NIPAL2: variants seen among roughly 807,000 people sequenced by gnomAD.
The protein encoded by NIPAL2 is NIPA-like protein 2.
NIPAL2 carries 43 observed loss-of-function variants against 48.9 expected under a neutral mutation model. The ratio of observed to expected loss-of-function variants is 0.88; its 90% CI spans 0.69 to 1.13. NIPAL2 has a LOEUF of 1.13. Among genes scored for constraint, NIPAL2 ranks in the 50% most tolerant of loss-of-function variants. The pLI, the probability that NIPAL2 is intolerant of heterozygous loss-of-function variation, is 0.00. For missense variants in NIPAL2, 446 were observed against 461.4 expected, an observed-to-expected ratio of 0.97 and a Z score of 0.31; for synonymous variants, 167 against 174.6, an observed-to-expected ratio of 0.96 and a Z score of 0.34.
At chr8:98,280,761 T>TAGAGAGAGAGAGAGAGAGAG (rs1554578553) in intron 1 of NIPAL2, among the ~76,000 whole-genome samples, 14 of 30,018 alleles carry the variant, frequency 4.7e-4, no homozygotes, top group South Asian at 1.5e-3. Flanking sequence ...TATATATATA[T>TAGAGAGAGAGAGAGAGAGAG]AGAGAGAGAG....
intron 8 of NIPAL2, among the ~76,000 whole-genome samples, chr8:98,198,610 C>T (rs1810664154): frequency 6.6e-6 from 1 of 152,206 alleles, no homozygotes; most frequent in African/African-American, 2.4e-5. Flanking sequence ...CTAGATGTTC[C>T]AGACAACTTG....
intron 8 of NIPAL2, among the ~76,000 whole-genome samples, chr8:98,201,292 C>T (rs1810785892): frequency 6.6e-6 from 1 of 152,210 alleles, no homozygotes; most frequent in South Asian, 2.1e-4. Flanking sequence ...CCCAAAAGGT[C>T]TTGCCATCCC....
At chr8:98,244,113 T>C (rs2130809126) in intron 3 of NIPAL2, among the ~76,000 whole-genome samples, 1 of 151,860 alleles carries the variant, frequency 6.6e-6, no homozygotes, top group African/African-American at 2.4e-5. Context: ...GATATTCTTA[T>C]CTGATTCAGC....
intron 4 of NIPAL2, among the ~76,000 whole-genome samples, chr8:98,230,872 C>G (rs1812408428): frequency 6.6e-6 from 1 of 152,204 alleles, no homozygotes; most frequent in Non-Finnish European, 1.5e-5. Flanking sequence ...GAACTAAAAC[C>G]TGAAATCTTG....
intron 1 of NIPAL2, among the ~76,000 whole-genome samples, chr8:98,269,773 C>G (rs965832297): frequency 6.6e-6 from 1 of 152,058 alleles, no homozygotes; most frequent in Non-Finnish European, 1.5e-5. Context: ...GATTTGGGCT[C>G]GTATTGATCC....
chr8:98,257,799 CT>C (rs1813997503), intron 1 of NIPAL2, among the ~76,000 whole-genome samples: 1 of 152,118 alleles, frequency 6.6e-6, no homozygotes, highest in Non-Finnish European at 1.5e-5. Flanking sequence ...GATTCCAGGT[CT>C]TTAGATAATA....
rs187336560 is a variant in NIPAL2 at position 98,260,611 on chromosome 8, C to G, written c.136-6524G>C. Reference sequence around the variant, plus strand: ...CGCACCACGAGATTATATCCTGCACCTGGCTCGGAGGGTCCTACGCCCACG... The same window carrying G: ...CGCACCACGAGATTATATCCTGCACGTGGCTCGGAGGGTCCTACGCCCACG... On this transcript the variant is annotated intron_variant, in intron 1 of 10. Coordinates refer to ENST00000430223, the MANE Select transcript of NIPAL2 (RefSeq NM_001321635.2). Among the ~76,000 whole-genome samples the G allele has an allele frequency of 2.0e-5, 3 of 152,346 alleles. No homozygotes were observed. In the East Asian group the frequency reaches 5.8e-4, roughly 29 times the overall value.
intron 5 of NIPAL2, 136 bp downstream of exon 5, chr8:98,222,343 G>A (rs1811935062): frequency 1.2e-6 from 1 of 854,188 alleles, no homozygotes; most frequent in African/African-American, 1.8e-5. Flanking sequence ...CAAATACTTT[G>A]GTATTGGTCA....
rs750242361 is a variant in NIPAL2, at chr8:98,222,546, A to G, written c.491T>C (p.Ile164Thr). The G allele has an allele frequency of 1.1e-5, 17 of 1,613,936 alleles. No homozygotes were observed. The highest frequency in any genetic ancestry group is 3.3e-4 in the Middle Eastern group (2 of 6,082). ...TGTTCTTGCTGAGATTGCCTGAGTTATATTTGGAGCAAAGTTCACCAGTAA... is the reference window on the plus strand; with the variant it reads ...TGTTCTTGCTGAGATTGCCTGAGTTGTATTTGGAGCAAAGTTCACCAGTAA... ...TYLLVNFAPN[I>T]TQAISARTVQ... The change falls in exon 5 of 11, where the codon ATA (isoleucine) becomes ACA (threonine). Residue 164 changes from isoleucine (I) to threonine (T), a missense_variant. Ile to Thr is a moderately conservative substitution (Grantham distance 89). Transcript: ENST00000430223.
chr8:98,240,961 T>C (rs1812951932), intron 3 of NIPAL2, among the ~76,000 whole-genome samples: 1 of 152,306 alleles, frequency 6.6e-6, no homozygotes. Context: ...AAGGAAGCAT[T>C]TGTGCTTCGT....
chr8:98,226,783 C>G (rs1370501823), intron 4 of NIPAL2, among the ~76,000 whole-genome samples: 1 of 152,184 alleles, frequency 6.6e-6, no homozygotes, highest in Non-Finnish European at 1.5e-5. Flanking sequence ...CCTATGTTCG[C>G]TCAAGGCCCT....
intron 8 of NIPAL2, among the ~76,000 whole-genome samples, chr8:98,199,985 G>T (rs1810728899): frequency 6.6e-6 from 1 of 151,902 alleles, no homozygotes; most frequent in Admixed American, 6.6e-5. Flanking sequence ...ATAAGGTCCT[G>T]CTCCGTCACC....
chr8:98,216,151 C>G (rs182568297), intron 5 of NIPAL2, among the ~76,000 whole-genome samples: 21 of 152,360 alleles, frequency 1.4e-4, no homozygotes, highest in African/African-American at 5.0e-4. Context: ...GGACAAAGAT[C>G]TGATCCTTGG....
chr8:98,242,898 T>A (rs1813071514), intron 3 of NIPAL2, among the ~76,000 whole-genome samples: 1 of 152,178 alleles, frequency 6.6e-6, no homozygotes, highest in Non-Finnish European at 1.5e-5. Context: ...CACCACACTG[T>A]ACCCCATAAA....
At chr8:98,249,822 A>G (rs1813497064) in intron 3 of NIPAL2, among the ~76,000 whole-genome samples, 1 of 149,788 alleles carries the variant, frequency 6.7e-6, no homozygotes, top group Non-Finnish European at 1.5e-5. Context: ...CACTCAAAGT[A>G]TACAAATATA....
rs75803423 is a variant in NIPAL2, at chr8:98,242,495, T to G, written c.377-6281A>C. ...AGCCACTGCACCTGACAGATTTTTT[T>G]TTTTTTTTTTTTAACTGAGCCTGGC... On this transcript the variant is annotated intron_variant, in intron 3 of 10. Transcript: ENST00000430223. Among the ~76,000 whole-genome samples, 57 of 61,168 alleles carry G rather than the reference T, an allele frequency of 9.3e-4. 2 individuals are homozygous for G. The highest frequency in any genetic ancestry group is 6.1e-3 in the East Asian group (12 of 1,978). The allele number at this position is 61,168 out of a possible 152,430, so 40.1% of individuals were successfully genotyped here.
intron 1 of NIPAL2, among the ~76,000 whole-genome samples, chr8:98,285,170 G>A (rs879676150): frequency 9.9e-5 from 15 of 152,190 alleles, no homozygotes; most frequent in Non-Finnish European, 1.8e-4. Context: ...TGTGAGCCAG[G>A]ACACAGAAAT....
At chr8:98,269,820 G>GT (rs1176523842) in intron 1 of NIPAL2, among the ~76,000 whole-genome samples, 3 of 152,156 alleles carry the variant, frequency 2.0e-5, no homozygotes, top group Non-Finnish European at 4.4e-5. Context: ...TCAATAGGCA[G>GT]TTTTTTTAAC....
In NIPAL2 at chr8:98,192,940, G is replaced by A. The variant is rs757085139; in HGVS notation, c.*38C>T. On this transcript the variant is annotated 3_prime_UTR_variant, in exon 11 of 11. Coordinates refer to ENST00000430223, the MANE Select transcript of NIPAL2 (RefSeq NM_001321635.2). The stretch of plus-strand genomic sequence containing the variant: ...ACATGTGCAATTTTTTAAAAAGGTG[G>A]TATCGAATAACAGGCCAACAGCCAT... 4.7e-6 allele frequency: 6 copies of A among 1,272,966 alleles called. No homozygotes were observed. Among genetic ancestry groups the A allele is most frequent in the Non-Finnish European group, 6.9e-6 (6 of 871,920 alleles). 78.9% of individuals were successfully genotyped at this position (1,272,966 alleles called of 1,614,324 possible). A position where few individuals can be genotyped will look rare whatever the true frequency, so the allele number is the denominator to read the frequency against.
Sources: gnomAD v4.1 joint callset for allele counts (sites outside exome capture counted in the v4.1 genomes callset) on GRCh38, gnomAD v4.1.1 for gene constraint, MANE v1.5 for transcripts, NCBI Gene and HGNC (gene_info 2026-07-23, HGNC 2026-07-21) for gene names.